The following PFKFB3 variants were observed in gnomAD, a reference collection of about 807,000 sequenced individuals.
PFKFB3 encodes 6-phosphofructo-2-kinase/fructose-2,6-bisphosphatase 3.
A neutral mutation model predicts 68.0 loss-of-function variants in PFKFB3; 33 were observed. That is an observed-to-expected ratio of 0.49 (90% CI 0.37 to 0.65). PFKFB3 has a LOEUF of 0.65. Ranked by LOEUF, PFKFB3 falls within the 30% of genes least tolerant of loss-of-function variation. The probability of loss-of-function intolerance (pLI) is 0.00; values close to 1 mark genes in which losing one functional copy is unlikely to be tolerated. For missense variants in PFKFB3, 586 were observed against 712.2 expected (o/e 0.82, Z 2.02); for synonymous variants, 315 against 288.2 (o/e 1.09, Z -0.94).
chr10:6,283,811 A>G, the PFKFB3 span, among the ~76,000 whole-genome samples: 4 of 152,174 alleles, frequency 2.6e-5, no homozygotes, highest in African/African-American at 9.7e-5. Context: ...GGACTGAATT[A>G]AGGAGCGAAC....
intron 1 of PFKFB3, among the ~76,000 whole-genome samples, chr10:6,211,983 T>A: frequency 6.6e-6 from 1 of 152,242 alleles, no homozygotes; most frequent in East Asian, 1.9e-4. Flanking sequence ...GGGGCTTCTT[T>A]CCTGAGCTGC....
At chr10:6,187,994 C>T (rs1379001023) in intron 1 of PFKFB3, among the ~76,000 whole-genome samples, 1 of 49,196 alleles carries the variant, frequency 2.0e-5, no homozygotes. Flanking sequence ...CATCCATTTA[C>T]CTACCTACAT....
intron 1 of PFKFB3, among the ~76,000 whole-genome samples, chr10:6,162,247 T>C (rs1208525556): frequency 3.3e-5 from 5 of 152,254 alleles, no homozygotes; most frequent in Non-Finnish European, 7.3e-5. Context: ...AGTAATGTTC[T>C]GTGTGTTTAG....
chr10:6,180,070 C>G lies in PFKFB3; in HGVS notation c.17-33553C>G, dbSNP rs560009298. 4.1e-4 allele frequency among the ~76,000 whole-genome samples: 62 copies of G among 151,930 alleles called. 1 individual carries two copies. Among genetic ancestry groups the G allele is most frequent in the African/African-American group, 1.4e-3 (60 of 41,412 alleles). On this transcript the variant is annotated intron_variant, in intron 1 of 14. Coordinates refer to the PFKFB3 transcript ENST00000379789. Reference sequence around the variant, plus strand: ...TTTAAAAATGTGTGTGGGCCAGGCTCGGTGGCGCTCGCGTGTAATCCCAGC... The same window carrying G: ...TTTAAAAATGTGTGTGGGCCAGGCTGGGTGGCGCTCGCGTGTAATCCCAGC...
At chr10:6,305,261 C>T in the PFKFB3 span, among the ~76,000 whole-genome samples, 16,134 of 140,994 alleles carry the variant, frequency 0.11, 951 homozygotes, top group Non-Finnish European at 0.14. Context: ...TGAGCTCAAG[C>T]TATCCTCCTG....
intron 13 of PFKFB3, among the ~76,000 whole-genome samples, 188 bp from the exon 14 acceptor site, chr10:6,226,004 A>AT (rs1845322561): frequency 2.0e-5 from 3 of 152,142 alleles, no homozygotes; most frequent in African/African-American, 7.2e-5. Flanking sequence ...AATTGCCCCC[A>AT]TTCTTGCTGC....
intron 1 of PFKFB3, among the ~76,000 whole-genome samples, chr10:6,175,289 C>T (rs935584296): frequency 6.6e-6 from 1 of 152,224 alleles, no homozygotes; most frequent in African/African-American, 2.4e-5. Flanking sequence ...TCCGTCCCCT[C>T]TCTTCTTTCC....
intron 1 of PFKFB3, among the ~76,000 whole-genome samples, chr10:6,155,225 C>T (rs920825479): frequency 3.7e-4 from 25 of 68,174 alleles, no homozygotes; most frequent in Middle Eastern, 0.011. Context: ...TTTTTTGAGA[C>T]GGAGTCCCGC....
Position 6,216,180 on chromosome 10 carries a change from G to A in PFKFB3, c.355G>A (p.Gly119Arg). 1 of 1,614,110 alleles carries A rather than the reference G, an allele frequency of 6.2e-7. No individual in the cohort carries two copies. Among genetic ancestry groups the A allele is most frequent in the South Asian group, 1.1e-5 (1 of 91,086 alleles). ...CAAAAGCTACCTGGCGAAAGAAGGG[G>A]GACAAATTGCGGTAAGTCCAGGCAA... Reference protein sequence around the residue: ...DVKSYLAKEGGQIAVFDATNT... With the variant: ...DVKSYLAKEGRQIAVFDATNT... Residue 119 changes from glycine to arginine, a missense_variant, in exon 4 of 15, where the codon GGA becomes AGA. Gly to Arg is a moderately radical substitution (Grantham distance 125). Coordinates refer to ENST00000379775, the MANE Select transcript of PFKFB3 (RefSeq NM_004566.4).
intron 14 of PFKFB3, among the ~76,000 whole-genome samples, chr10:6,251,445 C>G (rs561580083): frequency 6.6e-6 from 1 of 152,088 alleles, no homozygotes; most frequent in Non-Finnish European, 1.5e-5. Flanking sequence ...TTTCCTTTTT[C>G]TTTTTTCAGT....
chr10:6,249,421 A>T (rs1050114292), intron 14 of PFKFB3, among the ~76,000 whole-genome samples: 1 of 152,238 alleles, frequency 6.6e-6, no homozygotes, highest in Non-Finnish European at 1.5e-5. Flanking sequence ...TATTGACAAT[A>T]GCCAAGTTAT....
chr10:6,297,131 T>C, the PFKFB3 span, among the ~76,000 whole-genome samples: 8 of 152,334 alleles, frequency 5.3e-5, no homozygotes, highest in East Asian at 1.5e-3. Context: ...AAGTGGAATA[T>C]TTTAGTGCCT....
At chr10:6,196,338 G>C (rs531668552) in intron 1 of PFKFB3, among the ~76,000 whole-genome samples, 2 of 152,110 alleles carry the variant, frequency 1.3e-5, no homozygotes, top group Admixed American at 6.5e-5. Flanking sequence ...GATTAGTCAG[G>C]GTTCTGTAGA....
At chr10:6,186,580 T>C (rs1842874139) in intron 1 of PFKFB3, among the ~76,000 whole-genome samples, 1 of 152,252 alleles carries the variant, frequency 6.6e-6, no homozygotes. Context: ...AGAATGGCAC[T>C]GTGTATGTGG....
chr10:6,177,430 T>TCTCTC (rs1491283026), intron 1 of PFKFB3, among the ~76,000 whole-genome samples: 8 of 67,448 alleles, frequency 1.2e-4, no homozygotes, highest in Admixed American at 5.2e-4. Context: ...TCTTCCTTTC[T>TCTCTC]TTTCTTTCTC....
the PFKFB3 span, among the ~76,000 whole-genome samples, chr10:6,288,618 G>A: frequency 6.6e-6 from 1 of 151,440 alleles, no homozygotes; most frequent in Non-Finnish European, 1.5e-5. Flanking sequence ...GGACATTTGG[G>A]TTGGTTCCAA....
chr10:6,183,984 C>T (rs1241436097), intron 1 of PFKFB3, among the ~76,000 whole-genome samples: 1 of 152,050 alleles, frequency 6.6e-6, no homozygotes, highest in Non-Finnish European at 1.5e-5. Context: ...GCCACCGCGC[C>T]TGGCCTCAAA....
chr10:6,179,511 G>T (rs953390395), intron 1 of PFKFB3, among the ~76,000 whole-genome samples: 2 of 152,196 alleles, frequency 1.3e-5, no homozygotes, highest in Admixed American at 6.5e-5. Flanking sequence ...GATCACTCAG[G>T]CGTTTCCCTA....
chr10:6,307,560 TCCTTCCTTCCTC>T, the PFKFB3 span, among the ~76,000 whole-genome samples: 1 of 129,000 alleles, frequency 7.8e-6, no homozygotes, highest in Admixed American at 8.2e-5. Flanking sequence ...CTTCCTTCCT[TCCTTCCTTCCTC>T]CTTCTCTCCC....
Sources: gnomAD v4.1 joint callset for allele counts (sites outside exome capture counted in the v4.1 genomes callset) on GRCh38, gnomAD v4.1.1 for gene constraint, MANE v1.5 for transcripts, NCBI Gene and HGNC (gene_info 2026-07-23, HGNC 2026-07-21) for gene names.